Variants in TBC1D22A observed in about 807,000 individuals in gnomAD.
TBC1D22A encodes putative GTPase activator.
TBC1D22A carries 38 observed loss-of-function variants against 60.2 expected under a neutral mutation model. The observed-to-expected ratio is 0.63, with a 90% CI of 0.49 to 0.83. The LOEUF (loss-of-function observed/expected upper bound fraction) is 0.83, where lower values mean the gene tolerates loss of function less well. Among genes scored for constraint, TBC1D22A ranks in the 40% least tolerant of loss-of-function variants. The probability of loss-of-function intolerance (pLI) is 0.00; values close to 1 mark genes in which losing one functional copy is unlikely to be tolerated. For synonymous variants in TBC1D22A, 302 were observed against 281.7 expected (o/e 1.07, Z -0.72); for missense variants, 628 against 701.0 (o/e 0.90, Z 1.18).
intron 4 of TBC1D22A, among the ~76,000 whole-genome samples, chr22:46,845,010 G>T (rs1454603800): frequency 6.6e-6 from 1 of 152,196 alleles, no homozygotes; most frequent in Non-Finnish European, 1.5e-5. Flanking sequence ...CTGGAGTCCA[G>T]TGGGCCCTGG....
intron 11 of TBC1D22A, among the ~76,000 whole-genome samples, chr22:47,091,252 C>T (rs868054131): frequency 1.4e-4 from 18 of 129,832 alleles, no homozygotes; most frequent in Middle Eastern, 0.011. Context: ...GGGGAGTGGC[C>T]TCGCAGAGGT....
At chr22:47,096,082 A>G (rs1312983880) in intron 11 of TBC1D22A, among the ~76,000 whole-genome samples, 1 of 152,228 alleles carries the variant, frequency 6.6e-6, no homozygotes, top group Non-Finnish European at 1.5e-5. Flanking sequence ...TAATAGTCTA[A>G]TGAATGCCTT....
chr22:46,843,604 C>G (rs2086869035), intron 4 of TBC1D22A, among the ~76,000 whole-genome samples: 1 of 151,998 alleles, frequency 6.6e-6, no homozygotes, highest in South Asian at 2.1e-4. Context: ...ATCACGCGTT[C>G]TGTAGATGAC....
chr22:46,800,627 A>C (rs2542028), intron 4 of TBC1D22A, among the ~76,000 whole-genome samples: 1 of 152,068 alleles, frequency 6.6e-6, no homozygotes, highest in African/African-American at 2.4e-5. Flanking sequence ...TGCGTGATAG[A>C]CATGATGAAA....
At chr22:47,162,415 G>T (rs1201909720) in intron 12 of TBC1D22A, among the ~76,000 whole-genome samples, 1 of 152,156 alleles carries the variant, frequency 6.6e-6, no homozygotes, top group African/African-American at 2.4e-5. Context: ...GGCGTGTGGT[G>T]TGAGGGGAGA....
intron 12 of TBC1D22A, among the ~76,000 whole-genome samples, chr22:47,143,942 A>G (rs5767532): frequency 0.29 from 44,057 of 152,010 alleles, 7,291 homozygotes; most frequent in East Asian, 0.72. Flanking sequence ...CTTCTGCTCC[A>G]GCATCCTGTG....
chr22:46,964,149 CATGCTGCTCTGTGTAGGA>C (rs1246711448), intron 8 of TBC1D22A, among the ~76,000 whole-genome samples: 2 of 152,198 alleles, frequency 1.3e-5, no homozygotes, highest in East Asian at 3.9e-4. Flanking sequence ...GCCTTGGTTT[CATGCTGCTCTGTGTAGGA>C]AGGCTGGGCC....
intron 5 of TBC1D22A, among the ~76,000 whole-genome samples, chr22:46,882,381 AC>A (rs1430410493): frequency 6.6e-6 from 1 of 151,984 alleles, no homozygotes; most frequent in Non-Finnish European, 1.5e-5. Context: ...AAATACTGTT[AC>A]GTCGGTTCTT....
At chr22:46,848,428 T>G (rs2087118402) in intron 4 of TBC1D22A, among the ~76,000 whole-genome samples, 1 of 152,226 alleles carries the variant, frequency 6.6e-6, no homozygotes, top group South Asian at 2.1e-4. Context: ...AGTGAGTTTT[T>G]AAAGCAGGTT....
Position 46,950,792 on chromosome 22 carries a change from A to T in TBC1D22A, c.1016-23498A>T, listed in dbSNP as rs183770406. On this transcript the variant is annotated intron_variant, in intron 8 of 12. Coordinates refer to ENST00000337137, the MANE Select transcript of TBC1D22A (RefSeq NM_014346.5). ...ACGAACCCTTGCGTCTCCGGGATGGATGTGTGCATGGATAACCGGGGACAA... is the reference window on the plus strand; with the variant it reads ...ACGAACCCTTGCGTCTCCGGGATGGTTGTGTGCATGGATAACCGGGGACAA... Among the ~76,000 whole-genome samples, 43 of 152,232 alleles carry T rather than the reference A, an allele frequency of 2.8e-4. No homozygotes were observed. In the East Asian group the frequency reaches 7.3e-3, roughly 26 times the overall value.
intron 12 of TBC1D22A, among the ~76,000 whole-genome samples, chr22:47,156,364 A>G (rs767723375): frequency 2.0e-5 from 3 of 152,198 alleles, no homozygotes; most frequent in Non-Finnish European, 4.4e-5. Context: ...TATGGTAGTC[A>G]GGTCCAGTGG....
At chr22:46,970,205 G>C (rs1344616593) in intron 8 of TBC1D22A, among the ~76,000 whole-genome samples, 2 of 152,100 alleles carry the variant, frequency 1.3e-5, no homozygotes, top group Non-Finnish European at 2.9e-5. Context: ...CCCGGGGCCT[G>C]AGAGCCGCCC....
chr22:46,862,265 C>G lies in TBC1D22A; in HGVS notation c.638-16388C>G, dbSNP rs925873261. Reference sequence around the variant, plus strand: ...GAGGTCTTCTCGCTCTTAGCACCCCCCAGGTGACTGGCCCTCACGAAGTGG... The same window carrying G: ...GAGGTCTTCTCGCTCTTAGCACCCCGCAGGTGACTGGCCCTCACGAAGTGG... On this transcript the variant is annotated intron_variant, in intron 4 of 12. Transcript: ENST00000337137. 7.9e-5 allele frequency among the ~76,000 whole-genome samples: 12 copies of G among 152,312 alleles called. No homozygotes were observed. In the South Asian group the frequency reaches 8.3e-4, roughly 11 times the overall value.
At chr22:46,851,816 T>C (rs542794846) in intron 4 of TBC1D22A, among the ~76,000 whole-genome samples, 13 of 152,296 alleles carry the variant, frequency 8.5e-5, no homozygotes, top group African/African-American at 3.1e-4. Context: ...CAGCATACAG[T>C]GGCAGTTGGG....
At chr22:46,965,614 T>C (rs1459653399) in intron 8 of TBC1D22A, among the ~76,000 whole-genome samples, 2 of 152,260 alleles carry the variant, frequency 1.3e-5, no homozygotes, top group Non-Finnish European at 2.9e-5. Context: ...GGGGGAATCT[T>C]GGCCAGTTTT....
intron 8 of TBC1D22A, among the ~76,000 whole-genome samples, chr22:46,932,756 G>A (rs930010950): frequency 1.5e-4 from 18 of 122,000 alleles, no homozygotes; most frequent in Non-Finnish European, 2.4e-4. Flanking sequence ...ATGGAGTCTC[G>A]CCCTGTTGCC....
At chr22:46,971,923 G>T (rs971444801) in intron 8 of TBC1D22A, among the ~76,000 whole-genome samples, 6 of 152,226 alleles carry the variant, frequency 3.9e-5, no homozygotes, top group Admixed American at 3.9e-4. Context: ...GGGAGAGCCT[G>T]CAGCCCGGCA....
intron 12 of TBC1D22A, chr22:47,116,743 G>A (rs1461311519): frequency 2.6e-5 from 4 of 152,446 alleles, no homozygotes; most frequent in African/African-American, 4.8e-5. Flanking sequence ...TTGGCTCTGG[G>A]ACTGAGTTGT....
At chr22:47,151,276 C>T (rs2067490984) in intron 12 of TBC1D22A, among the ~76,000 whole-genome samples, 3 of 152,216 alleles carry the variant, frequency 2.0e-5, no homozygotes, top group East Asian at 3.9e-4. Context: ...TCTCCACCTT[C>T]CCGGGTGAGG....
Sources: allele counts gnomAD v4.1 joint callset (sites outside exome capture counted in the v4.1 genomes callset), GRCh38; gene constraint gnomAD v4.1.1; transcripts MANE v1.5; gene names NCBI Gene and HGNC (gene_info 2026-07-23, HGNC 2026-07-21).